The following TRPM3 variants were observed in gnomAD, a reference collection of about 807,000 sequenced individuals.
TRPM3 encodes the protein long transient receptor potential channel 3.
In TRPM3, 77 loss-of-function variants were observed where a neutral mutation model predicts 181.2. That is an observed-to-expected ratio of 0.42 (90% confidence interval 0.35 to 0.51). TRPM3 has a LOEUF of 0.51. TRPM3 is among the 20% of genes least tolerant of loss of function. TRPM3 has a pLI of 0.01. For missense variants in TRPM3, 1,759 were observed against 2,196.7 expected, an observed-to-expected ratio of 0.80 and a Z score of 3.98; for synonymous variants, 745 against 796.4, an observed-to-expected ratio of 0.94 and a Z score of 1.09.
At chr9:71,048,375 A>G (rs1032547233) in intron 1 of TRPM3, among the ~76,000 whole-genome samples, 2 of 152,122 alleles carry the variant, frequency 1.3e-5, no homozygotes, top group African/African-American at 4.8e-5. Flanking sequence ...TCTAATCTAC[A>G]CTGCCCAGCA....
chr9:70,848,048 A>C, intron 3 of TRPM3, among the ~76,000 whole-genome samples: 1 of 152,218 alleles, frequency 6.6e-6, no homozygotes, highest in East Asian at 1.9e-4. Context: ...GCACCAAAAT[A>C]AGATCCTCAA....
chr9:71,225,603 G>A (rs1056534663), intron 1 of TRPM3, among the ~76,000 whole-genome samples: 1 of 152,162 alleles, frequency 6.6e-6, no homozygotes, highest in Non-Finnish European at 1.5e-5. Context: ...TAATTGTGGT[G>A]TATAAACTAC....
chr9:71,427,041 C>T (rs528804975), intron 1 of TRPM3, among the ~76,000 whole-genome samples: 21 of 152,264 alleles, frequency 1.4e-4, no homozygotes, highest in African/African-American at 4.6e-4. Flanking sequence ...CAGTATTGCT[C>T]CTGGTTAGTG....
At chr9:70,669,828 T>C (rs1230999930) in intron 9 of TRPM3, among the ~76,000 whole-genome samples, 2 of 151,686 alleles carry the variant, frequency 1.3e-5, no homozygotes, top group Non-Finnish European at 2.9e-5. Flanking sequence ...GCTCAACCTC[T>C]TGGGCTCAAG....
intron 1 of TRPM3, among the ~76,000 whole-genome samples, chr9:71,012,588 G>T (rs1426618304): frequency 6.6e-6 from 1 of 151,756 alleles, no homozygotes; most frequent in Middle Eastern, 3.4e-3. Flanking sequence ...ATATTAATTT[G>T]CTCACCTCTA....
rs1455734049 is a variant in TRPM3, at chr9:70,529,993, G to A, written c.*5960C>T. On this transcript the variant is annotated 3_prime_UTR_variant, in exon 26 of 26. Coordinates refer to ENST00000677713, the MANE Select transcript of TRPM3 (RefSeq NM_001366145.2). ...ATGTGTTTGAATTTGCAGCCTCTCAGTCTATGTGCAGATGGCTGGTTTTAA... is the reference window on the plus strand; with the variant it reads ...ATGTGTTTGAATTTGCAGCCTCTCAATCTATGTGCAGATGGCTGGTTTTAA... 2.6e-5 allele frequency: 4 copies of A among 152,234 alleles called. No individual in the cohort carries two copies. The highest frequency in any genetic ancestry group is 9.7e-5 in the African/African-American group (4 of 41,440). 9.4% of individuals were successfully genotyped at this position (152,234 alleles called of 1,614,324 possible). A position where few individuals can be genotyped will look rare whatever the true frequency, so the allele number is the denominator to read the frequency against.
Position 70,537,544 on chromosome 9 carries a change from T to C in TRPM3, c.3708-139A>G, listed in dbSNP as rs899862170. 8.3e-5 allele frequency: 51 copies of C among 612,918 alleles called. No homozygotes were observed. In the Admixed American group the frequency reaches 2.0e-3, roughly 24 times the overall value. 38.0% of individuals were successfully genotyped at this position (612,918 alleles called of 1,614,324 possible). A position where few individuals can be genotyped will look rare whatever the true frequency, so the allele number is the denominator to read the frequency against. The stretch of plus-strand genomic sequence containing the variant: ...ACAGGTTACAGGTGTTGAGAGGGGT[T>C]GGGGAGGAGAGAATGACATTGATGC... On this transcript the variant is annotated intron_variant, in intron 25 of 25. Coordinates refer to ENST00000677713, the MANE Select transcript of TRPM3 (RefSeq NM_001366145.2).
At chr9:71,290,019 C>T (rs923496730) in intron 1 of TRPM3, among the ~76,000 whole-genome samples, 5 of 150,536 alleles carry the variant, frequency 3.3e-5, no homozygotes, top group African/African-American at 1.2e-4. Flanking sequence ...GTTCTTGTAT[C>T]AAAGTATCAC....
intron 1 of TRPM3, among the ~76,000 whole-genome samples, chr9:70,976,671 G>T (rs2097305910): frequency 6.6e-6 from 1 of 152,208 alleles, no homozygotes; most frequent in Admixed American, 6.5e-5. Flanking sequence ...GGAAATGCCT[G>T]GCTCCCCATT....
At position 70,536,768 on chromosome 9, in the gene TRPM3, A is replaced by G. The variant is rs1316008314; in HGVS notation, c.4345T>C (p.Ser1449Pro). Reference protein sequence around the residue: ...GEPSFSTPVPSTAPSSSAYAT... With the variant: ...GEPSFSTPVPPTAPSSSAYAT... ...TAGGCACTACTTGAAGGGGCTGTGG[A>G]AGGTACTGGAGTTGAAAAGCTTGGC... The change falls in exon 26 of 26, where the codon TCC (serine) becomes CCC (proline). Residue 1449 changes from serine (S) to proline (P), a missense_variant. Around this residue, in one of 8 missense-constraint regions of TRPM3, gnomAD observed 612 missense variants for 590.0 expected, o/e 1.04. Coordinates refer to ENST00000677713, the MANE Select transcript of TRPM3 (RefSeq NM_001366145.2). The G allele has an allele frequency of 2.5e-6, 4 of 1,614,138 alleles. No homozygotes were observed. The highest frequency in any genetic ancestry group is 3.4e-6 in the Non-Finnish European group (4 of 1,180,028).
At chr9:71,001,798 G>C (rs2097605817) in intron 1 of TRPM3, among the ~76,000 whole-genome samples, 1 of 152,222 alleles carries the variant, frequency 6.6e-6, no homozygotes, top group Non-Finnish European at 1.5e-5. Context: ...CATCTATTGT[G>C]TGGTGGTAGC....
intron 6 of TRPM3, among the ~76,000 whole-genome samples, chr9:70,798,041 A>C (rs563761634): frequency 4.4e-4 from 67 of 152,258 alleles, no homozygotes; most frequent in Non-Finnish European, 7.4e-4. Flanking sequence ...GATGCAGAAA[A>C]GGAGTACTAT....
chr9:70,815,498 T>G (rs115214195), intron 6 of TRPM3, among the ~76,000 whole-genome samples: 1,532 of 152,318 alleles, frequency 0.01, 32 homozygotes, highest in African/African-American at 0.035. Context: ...TATTTCTATA[T>G]ATACATAATG....
At chr9:71,287,895 T>C (rs534755898) in intron 1 of TRPM3, among the ~76,000 whole-genome samples, 62 of 152,062 alleles carry the variant, frequency 4.1e-4, no homozygotes, top group Non-Finnish European at 6.9e-4. Flanking sequence ...AGGTAGCAAT[T>C]CTTATTAAAC....
intron 1 of TRPM3, among the ~76,000 whole-genome samples, chr9:71,209,205 G>A (rs1380046339): frequency 1.3e-5 from 2 of 152,086 alleles, no homozygotes; most frequent in Non-Finnish European, 2.9e-5. Flanking sequence ...ATGAGGAAAT[G>A]AATGTGTGTT....
chr9:70,634,358 C>A (rs1204976086), intron 12 of TRPM3, among the ~76,000 whole-genome samples: 1 of 152,138 alleles, frequency 6.6e-6, no homozygotes, highest in Non-Finnish European at 1.5e-5. Flanking sequence ...GGTGATCCAC[C>A]CACCTTGGGC....
chr9:70,801,450 A>G lies in TRPM3; in HGVS notation c.974-17171T>C, dbSNP rs751062268. ...GAAGGATTAGATCATTAAGCAAAGG[A>G]AAACAGCAGCAATACAGCAGCACCT... On this transcript the variant is annotated intron_variant, in intron 6 of 25. Coordinates refer to ENST00000677713, the MANE Select transcript of TRPM3 (RefSeq NM_001366145.2). 3.9e-4 allele frequency among the ~76,000 whole-genome samples: 59 copies of G among 152,206 alleles called. 1 individual carries two copies. The highest frequency in any genetic ancestry group is 8.2e-4 in the Non-Finnish European group (56 of 68,030).
At chr9:71,349,765 C>G (rs188098094) in intron 1 of TRPM3, among the ~76,000 whole-genome samples, 1 of 152,132 alleles carries the variant, frequency 6.6e-6, no homozygotes, top group East Asian at 1.9e-4. Flanking sequence ...CTTTCCCCCA[C>G]GTGAATTCTT....
chr9:71,405,984 A>C (rs935979591), intron 1 of TRPM3, among the ~76,000 whole-genome samples: 61 of 152,274 alleles, frequency 4.0e-4, no homozygotes, highest in African/African-American at 1.4e-3. Context: ...TCAAACAATA[A>C]AAAATTGGTG....
Sources: gnomAD v4.1 joint callset for allele counts (sites outside exome capture counted in the v4.1 genomes callset) on GRCh38, gnomAD v4.1.1 for gene constraint, gnomAD v4.1.1 regional missense constraint, MANE v1.5 for transcripts, NCBI Gene and HGNC (gene_info 2026-07-23, HGNC 2026-07-21) for gene names.